Variants in CACNB4 observed in about 807,000 individuals in gnomAD.
The protein encoded by CACNB4 is calcium voltage-gated channel auxiliary subunit beta 4.
CACNB4 carries 32 observed loss-of-function variants against 71.2 expected under a neutral mutation model. The observed-to-expected ratio is 0.45, with a 90% CI of 0.34 to 0.60. CACNB4 has a LOEUF of 0.60. CACNB4 is among the 20% of genes least tolerant of loss of function. The probability of loss-of-function intolerance (pLI) is 0.01; values close to 1 mark genes in which losing one functional copy is unlikely to be tolerated. For synonymous variants in CACNB4, 231 were observed against 236.9 expected, an observed-to-expected ratio of 0.97 and a Z score of 0.23; for missense variants, 464 against 647.9, an observed-to-expected ratio of 0.72 and a Z score of 3.08.
At chr2:151,923,741 C>A (rs1216751712) in intron 2 of CACNB4, among the ~76,000 whole-genome samples, 1 of 152,182 alleles carries the variant, frequency 6.6e-6, no homozygotes, top group Non-Finnish European at 1.5e-5. Flanking sequence ...CTATTCCTAA[C>A]CCTCTTGCAG....
intron 2 of CACNB4, among the ~76,000 whole-genome samples, chr2:152,038,757 T>G (rs1300299415): frequency 1.3e-5 from 2 of 152,172 alleles, no homozygotes; most frequent in African/African-American, 4.8e-5. Context: ...GCCACACAGA[T>G]GGGGACAGAG....
rs1254885243 is a variant in CACNB4 at position 151,838,461 on chromosome 2, A to AGGAG, written c.*657_*658insCTCC. On this transcript the variant is annotated 3_prime_UTR_variant, in exon 14 of 14. Transcript: ENST00000539935. ...GAAATAAAAATATTAAAATCTGAGG[A>AGGAG]GACTATATAATTTCTGCATTAAGAT... 2.6e-5 allele frequency: 4 copies of AGGAG among 152,562 alleles called. No individual in the cohort carries two copies. The highest frequency in any genetic ancestry group is 4.4e-5 in the Non-Finnish European group (3 of 68,034). The allele number at this position is 152,562 out of a possible 1,614,324, so 9.5% of individuals were successfully genotyped here.
intron 2 of CACNB4, among the ~76,000 whole-genome samples, chr2:152,087,214 A>G (rs977596689): frequency 6.6e-6 from 1 of 151,990 alleles, no homozygotes; most frequent in African/African-American, 2.4e-5. Context: ...CTGATCACCT[A>G]GGAATTCAAG....
At chr2:152,031,492 G>A (rs969544997) in intron 2 of CACNB4, among the ~76,000 whole-genome samples, 1 of 152,134 alleles carries the variant, frequency 6.6e-6, no homozygotes, top group African/African-American at 2.4e-5. Context: ...CACTGTTGAC[G>A]GGTGCTGTGT....
At chr2:151,882,964 G>A (rs1304206407) in intron 3 of CACNB4, 3 of 408,856 alleles carry the variant, frequency 7.3e-6, no homozygotes, top group Admixed American at 3.7e-5. Context: ...TGCCTGGGGG[G>A]CTGTCTGCCA....
chr2:151,838,532 GAA>G lies in CACNB4; in HGVS notation c.*585_*586del, dbSNP rs2099835390. The G allele has an allele frequency of 6.6e-6, 1 of 152,366 alleles. No homozygotes were observed. Among genetic ancestry groups the G allele is most frequent in the Admixed American group, 6.6e-5 (1 of 15,258 alleles). 9.4% of individuals were successfully genotyped at this position (152,366 alleles called of 1,614,324 possible). On this transcript the variant is annotated 3_prime_UTR_variant, in exon 14 of 14. Coordinates refer to ENST00000539935, the MANE Select transcript of CACNB4 (RefSeq NM_000726.5). ...CACTATCAATACATTTGGTAAGTCT[GAA>G]AAGTCATTCTGGCAACATTAACATA...
chr2:151,939,171 A>C (rs1231251225), intron 2 of CACNB4, among the ~76,000 whole-genome samples: 1 of 152,234 alleles, frequency 6.6e-6, no homozygotes, highest in Admixed American at 6.5e-5. Context: ...AAAAGCAGGA[A>C]GGCAGGGAGA....
At chr2:151,924,898 C>T (rs541937612) in intron 2 of CACNB4, among the ~76,000 whole-genome samples, 18 of 152,038 alleles carry the variant, frequency 1.2e-4, no homozygotes, top group Non-Finnish European at 2.4e-4. Flanking sequence ...ATGATTCTAT[C>T]GTTTTTTTCA....
At chr2:152,057,813 G>A (rs1232652296) in intron 2 of CACNB4, among the ~76,000 whole-genome samples, 4 of 148,652 alleles carry the variant, frequency 2.7e-5, no homozygotes, top group Non-Finnish European at 4.5e-5. Flanking sequence ...GCCTATGGCA[G>A]GCAGAGGGAA....
chr2:151,930,732 ACTC>A (rs1326180367), intron 2 of CACNB4, among the ~76,000 whole-genome samples: 38 of 152,132 alleles, frequency 2.5e-4, no homozygotes, highest in African/African-American at 9.2e-4. Context: ...GTTCCAGAAC[ACTC>A]TATACTCCTT....
intron 2 of CACNB4, among the ~76,000 whole-genome samples, chr2:152,049,748 T>C (rs1463656783): frequency 2.0e-5 from 3 of 152,236 alleles, no homozygotes; most frequent in African/African-American, 7.2e-5. Flanking sequence ...ATCTTCCACA[T>C]GGAGCAGCAA....
chr2:151,972,091 T>A (rs867924675), intron 2 of CACNB4: 1,474 of 135,834 alleles, frequency 0.011, 31 homozygotes, highest in African/African-American at 0.048. Flanking sequence ...AAAAAAAAAA[T>A]GTTTTCATAC....
At chr2:152,023,163 G>C (rs1433172145) in intron 2 of CACNB4, among the ~76,000 whole-genome samples, 1 of 151,966 alleles carries the variant, frequency 6.6e-6, no homozygotes, top group Non-Finnish European at 1.5e-5. Context: ...GCACAAACAA[G>C]TGAAAGGGTA....
chr2:151,869,402 A>G (rs2099844030), intron 8 of CACNB4, 167 bp from the exon 9 acceptor site: 7 of 556,520 alleles, frequency 1.3e-5, no homozygotes, highest in Non-Finnish European at 2.3e-5. Flanking sequence ...ATGCTTAACC[A>G]TGTGCAATTG....
chr2:151,861,406 T>C (rs1183584637), intron 9 of CACNB4: 2 of 152,406 alleles, frequency 1.3e-5, no homozygotes, highest in African/African-American at 2.4e-5. Context: ...TTATTTTTTC[T>C]GCATGCATAA....
chr2:151,926,743 T>C (rs2099860343), intron 2 of CACNB4, among the ~76,000 whole-genome samples: 1 of 152,222 alleles, frequency 6.6e-6, no homozygotes, highest in African/African-American at 2.4e-5. Flanking sequence ...CTATTTCAAA[T>C]TTACAGTAAT....
intron 2 of CACNB4, among the ~76,000 whole-genome samples, chr2:151,886,708 A>T (rs1267895570): frequency 6.6e-6 from 1 of 152,138 alleles, no homozygotes; most frequent in Non-Finnish European, 1.5e-5. Context: ...TGTCATCTAC[A>T]TTGCTTTGTA....
At chr2:152,073,256 A>T (rs1186519196) in intron 2 of CACNB4, among the ~76,000 whole-genome samples, 1 of 152,158 alleles carries the variant, frequency 6.6e-6, no homozygotes, top group East Asian at 1.9e-4. Context: ...CAAATCCAGC[A>T]TAATGATTTC....
In CACNB4 at chr2:151,872,552, G is replaced by T. The variant is rs905047701; in HGVS notation, c.522-59C>A. ...CCCAGATTCTTTGAAAATAGAACTT[G>T]AGAGTACAAAGCTTTCTTTGGCCCT... On this transcript the variant is annotated intron_variant, in intron 5 of 13. Transcript: ENST00000539935. The T allele has an allele frequency of 2.8e-5, 26 of 929,970 alleles. No homozygotes were observed. The African/African-American group carries it at 4.0e-4, about 14-fold the overall frequency. The allele number at this position is 929,970 out of a possible 1,614,324, so 57.6% of individuals were successfully genotyped here.
Sources: allele counts gnomAD v4.1 joint callset (sites outside exome capture counted in the v4.1 genomes callset), GRCh38; gene constraint gnomAD v4.1.1; transcripts MANE v1.5; gene names NCBI Gene and HGNC (gene_info 2026-07-23, HGNC 2026-07-21).